Variants in LRP1 observed in about 807,000 individuals in gnomAD.
The protein encoded by LRP1 is prolow-density lipoprotein receptor-related protein 1.
In LRP1, 51 loss-of-function variants were observed where a neutral mutation model predicts 541.5. The ratio of observed to expected loss-of-function variants is 0.09; its 90% CI spans 0.08 to 0.12. The LOEUF is 0.12. LRP1 is among the 10% of genes least tolerant of loss of function. LRP1 has a pLI of 1.00. For missense variants in LRP1, 3,878 were observed against 6,376.2 expected (o/e 0.61, Z 13.34); for synonymous variants, 2,219 against 2,470.8 (o/e 0.90, Z 3.02).
rs371135526 is a variant in LRP1 at position 57,194,568 on chromosome 12, G to A, written c.8069-9G>A. ...TGAGCAGGGCCCTCACACCTGCCTCGCCCCCCAGGTGTGAAACGCCCCAGA... is the reference window on the plus strand; with the variant it reads ...TGAGCAGGGCCCTCACACCTGCCTCACCCCCCAGGTGTGAAACGCCCCAGA... On this transcript the variant is annotated splice_polypyrimidine_tract_variant and intron_variant, in intron 49 of 88. Coordinates refer to ENST00000243077, the MANE Select transcript of LRP1 (RefSeq NM_002332.3). The A allele has an allele frequency of 3.3e-4, 534 of 1,612,282 alleles. No homozygotes were observed. The highest frequency in any genetic ancestry group is 4.3e-4 in the Non-Finnish European group (508 of 1,179,816).
intron 63 of LRP1, 39 bp downstream of exon 63, chr12:57,200,574 G>C: frequency 1.3e-6 from 2 of 1,583,608 alleles, no homozygotes; most frequent in Admixed American, 3.3e-5. Context: ...GCCCCCAGCT[G>C]TGTCGGAGGC....
At chr12:57,172,566 C>G (rs2035968183) in intron 20 of LRP1, among the ~76,000 whole-genome samples, 1 of 152,118 alleles carries the variant, frequency 6.6e-6, no homozygotes, top group Non-Finnish European at 1.5e-5. Context: ...CAGGGATCCT[C>G]TGGGCTCACT....
At chr12:57,160,821 T>C (rs1179626887) in intron 12 of LRP1, 72 bp from the exon 13 acceptor site, 2 of 1,178,276 alleles carry the variant, frequency 1.7e-6, no homozygotes, top group East Asian at 2.3e-5. Context: ...ACAGCACTCA[T>C]GGATTGGGAT....
chr12:57,157,480 G>A (rs2035644463), intron 10 of LRP1, among the ~76,000 whole-genome samples: 1 of 152,152 alleles, frequency 6.6e-6, no homozygotes, highest in Non-Finnish European at 1.5e-5. Flanking sequence ...GTGTGATGGT[G>A]CGTGCCTATA....
intron 20 of LRP1, among the ~76,000 whole-genome samples, chr12:57,170,189 A>G (rs2035918655): frequency 6.6e-6 from 1 of 152,136 alleles, no homozygotes; most frequent in African/African-American, 2.4e-5. Context: ...CCAGATCCCC[A>G]TTTCCCCTTT....
chr12:57,181,399 G>A (rs772974784), intron 34 of LRP1, 108 bp downstream of exon 34: 11 of 1,361,322 alleles, frequency 8.1e-6, no homozygotes, highest in South Asian at 1.4e-5. Flanking sequence ...GACTACATTC[G>A]TCGTGTAGGG....
rs2036201232 is a variant in LRP1, at chr12:57,183,181, C to CA, written c.5663-197dup. Among the ~76,000 whole-genome samples, 1 of 152,014 alleles carries CA rather than the reference C, an allele frequency of 6.6e-6. No individual in the cohort carries two copies. The highest frequency in any genetic ancestry group is 2.4e-5 in the African/African-American group (1 of 41,372). On this transcript the variant is annotated intron_variant, in intron 34 of 88. Coordinates refer to ENST00000243077, the MANE Select transcript of LRP1 (RefSeq NM_002332.3). The surrounding 1 kb of genome is among the most constrained non-coding windows in gnomAD (Gnocchi z 6.1). ...GCTAGGGGTCCTGCAGGTGGTTCCC[C>CA]AGAGCTACCAGCCAGGTGCGCTTCC... is the stretch of plus-strand genomic sequence containing the variant.
chr12:57,175,830 A>G (rs533161666), intron 23 of LRP1, 79 bp from the exon 24 acceptor site: 41 of 1,585,424 alleles, frequency 2.6e-5, no homozygotes, highest in Non-Finnish European at 3.3e-5. Context: ...CCGGACCAGC[A>G]GAGACCTGCC....
chr12:57,204,515 A>T lies in LRP1; in HGVS notation c.11057A>T (p.Asn3686Ile), dbSNP rs1429133689. 1 of 1,600,618 alleles carries T rather than the reference A, an allele frequency of 6.2e-7. No homozygotes were observed. The highest frequency in any genetic ancestry group is 1.1e-5 in the South Asian group (1 of 89,644). ...EDDCGDNSDE[N>I]PEECARFVCP... ...GACTGTGGGGACAACTCAGATGAGA[A>T]CCCCGAGGAGTGTGGTGAGATTTGG... Residue 3686 changes from asparagine to isoleucine, a missense_variant, in exon 71 of 89, where the codon AAC (asparagine) becomes ATC (isoleucine). By Grantham distance (149) the Asn-to-Ile change is moderately radical. Transcript: ENST00000243077. The surrounding 1 kb of genome is among the most constrained non-coding windows in gnomAD (Gnocchi z 5.3).
At position 57,173,672 on chromosome 12, in the gene LRP1, C is replaced by A; in HGVS notation, c.3347-108C>A. The A allele has an allele frequency of 8.4e-7, 1 of 1,194,642 alleles. No homozygotes were observed. Among genetic ancestry groups the A allele is most frequent in the Non-Finnish European group, 1.2e-6 (1 of 814,494 alleles). The allele number at this position is 1,194,642 out of a possible 1,614,324, so 74.0% of individuals were successfully genotyped here. A position where few individuals can be genotyped will look rare whatever the true frequency, so the allele number is the denominator to read the frequency against. ...GCCTCGGGGTTCCTCGTGGACCCCA[C>A]AGCGTTGCAATCCTGACCCTATTAG... is the stretch of plus-strand genomic sequence containing the variant. On this transcript the variant is annotated intron_variant, in intron 21 of 88. Coordinates refer to ENST00000243077, the MANE Select transcript of LRP1 (RefSeq NM_002332.3). This position sits in a 1 kb window ranked among gnomAD's most constrained non-coding sequence, Gnocchi z 4.7.
intron 6 of LRP1, among the ~76,000 whole-genome samples, chr12:57,148,710 G>C (rs1444018597): frequency 6.6e-6 from 1 of 152,210 alleles, no homozygotes; most frequent in Non-Finnish European, 1.5e-5. Context: ...GAGGTTCTGA[G>C]GTTGTAAATA....
In LRP1 at chr12:57,177,274, C is replaced by A; in HGVS notation, c.4196+29C>A. 1 of 1,607,708 alleles carries A rather than the reference C, an allele frequency of 6.2e-7. No homozygotes were observed. Among genetic ancestry groups the A allele is most frequent in the Admixed American group, 1.7e-5 (1 of 59,824 alleles). On this transcript the variant is annotated intron_variant, in intron 25 of 88. Coordinates refer to ENST00000243077, the MANE Select transcript of LRP1 (RefSeq NM_002332.3). The surrounding 1 kb of genome is among the most constrained non-coding windows in gnomAD (Gnocchi z 6.8). ...AGGACCTTGCCCAGCCTTCTCCTGG[C>A]CCCATGGCCCCCCTGAAGTCCCATT...
chr12:57,201,437 G>A lies in LRP1; in HGVS notation c.10346-60G>A, dbSNP rs1056133676. 1.3e-6 allele frequency: 2 copies of A among 1,558,874 alleles called. No individual in the cohort carries two copies. The highest frequency in any genetic ancestry group is 2.7e-5 in the African/African-American group (2 of 73,866). On this transcript the variant is annotated intron_variant, in intron 65 of 88. Coordinates refer to ENST00000243077, the MANE Select transcript of LRP1 (RefSeq NM_002332.3). This position sits in a 1 kb window ranked among gnomAD's most constrained non-coding sequence, Gnocchi z 6.4. ...GGGCTTGGAAGAGAGAGAAGACAGT[G>A]ATGGTGAACTGGAGTGGCAGGTGTA...
intron 77 of LRP1, 43 bp from the exon 78 acceptor site, chr12:57,208,668 T>C: frequency 7.6e-7 from 1 of 1,319,984 alleles, no homozygotes; most frequent in Non-Finnish European, 1.1e-6. Flanking sequence ...CTGCCTCCTC[T>C]GGCCCTCCGG....
At chr12:57,170,286 T>C (rs1199612088) in intron 20 of LRP1, among the ~76,000 whole-genome samples, 4 of 152,256 alleles carry the variant, frequency 2.6e-5, no homozygotes, top group African/African-American at 7.2e-5. Flanking sequence ...TATTTCCAAA[T>C]AAAGTCATAT....
Position 57,195,678 on chromosome 12 carries a change from G to A in LRP1, c.8458G>A (p.Asp2820Asn), listed in dbSNP as rs755765930. ...CACAGTGTACAACAGCACTTGTGAC[G>A]ACCGTGAGTTCATGTGCCAGAACCG... Reference protein sequence around the residue: ...AGCLYNSTCDDREFMCQNRQC... With the variant: ...AGCLYNSTCDNREFMCQNRQC... The change falls in exon 53 of 89, where the codon GAC becomes AAC. Residue 2820 changes from aspartate to asparagine, a missense_variant. Asp to Asn is a conservative substitution (Grantham distance 23). This residue lies in a region of LRP1 where 1,100 missense variants were observed against 1,827.4 expected (regional missense o/e 0.60). Transcript: ENST00000243077. 18 of 1,613,964 alleles carry A rather than the reference G, an allele frequency of 1.1e-5. No individual in the cohort carries two copies. The highest frequency in any genetic ancestry group is 1.6e-4 in the Middle Eastern group (1 of 6,082).
Position 57,161,245 on chromosome 12 carries a change from G to A in LRP1, c.2202+130G>A, listed in dbSNP as rs35012107. On this transcript the variant is annotated intron_variant, in intron 13 of 88. Transcript: ENST00000243077. ...GGCCTGTGTGCCTCTATAGATGTGT[G>A]CATCTATTTTTCTGTGCATCTATAG... 35,113 of 775,372 alleles carry A rather than the reference G, an allele frequency of 0.045. 1,510 individuals carry two copies. The highest frequency in any genetic ancestry group is 0.2 in the East Asian group (7,584 of 38,556). 48.0% of individuals were successfully genotyped at this position (775,372 alleles called of 1,614,324 possible).
In LRP1 at chr12:57,169,231, C is replaced by T. The variant is rs763891065; in HGVS notation, c.3087C>T (p.Pro1029=). Residue 1029 remains proline (P), a synonymous_variant, in exon 20 of 89, where the codon CCC becomes CCT. Transcript: ENST00000243077. ...AGTGCAACAGCGGGCGTTGCATCCC[C>T]GAGCACTGGACCTGCGATGGGGACA... ...QFKCNSGRCI[P]EHWTCDGDND... 10 of 1,613,968 alleles carry T rather than the reference C, an allele frequency of 6.2e-6. No homozygotes were observed. Among genetic ancestry groups the T allele is most frequent in the South Asian group, 2.2e-5 (2 of 91,084 alleles).
rs2036254597 is a variant in LRP1 at position 57,185,628 on chromosome 12, G to A, written c.6561G>A (p.Leu2187=). The A allele has an allele frequency of 1.2e-6, 2 of 1,611,742 alleles. No individual in the cohort carries two copies. The highest frequency in any genetic ancestry group is 1.3e-5 in the African/African-American group (1 of 75,056). The part of the protein sequence containing the change: ...QRACACAHGM[L]AEDGASCREY... The stretch of plus-strand genomic sequence containing the variant: ...CCTGCGCCTGTGCCCACGGGATGCT[G>A]GCTGAAGACGGAGCATCGTGCCGCG... The change falls in exon 41 of 89, where the codon CTG becomes CTA. Residue 2187 remains leucine (L), a synonymous_variant. Transcript: ENST00000243077. The surrounding 1 kb of genome is among the most constrained non-coding windows in gnomAD (Gnocchi z 4.9).
Sources: gnomAD v4.1 joint callset for allele counts (sites outside exome capture counted in the v4.1 genomes callset) on GRCh38, gnomAD v4.1.1 for gene constraint, gnomAD v4.1.1 regional missense constraint, Gnocchi (gnomAD v3.1) non-coding constraint, MANE v1.5 for transcripts, NCBI Gene and HGNC (gene_info 2026-07-23, HGNC 2026-07-21) for gene names.